Variants in SDK2 observed in about 807,000 individuals in gnomAD.
SDK2 encodes the protein sidekick cell adhesion molecule 2, also known as protein sidekick-2.
SDK2 carries 105 observed loss-of-function variants against 253.9 expected under a neutral mutation model. The ratio of observed to expected loss-of-function variants is 0.41; its 90% confidence interval spans 0.35 to 0.49. The LOEUF (loss-of-function observed/expected upper bound fraction) is 0.49. Ranked by LOEUF, SDK2 falls within the 20% of genes least tolerant of loss-of-function variation. The pLI, the probability that SDK2 is intolerant of heterozygous loss-of-function variation, is 0.06. For synonymous variants in SDK2, 1,249 were observed against 1,234.9 expected, an observed-to-expected ratio of 1.01 and a Z score of -0.24; for missense variants, 2,608 against 3,003.0, an observed-to-expected ratio of 0.87 and a Z score of 3.07.
At chr17:73,562,772 G>T (rs1354837554) in intron 1 of SDK2, among the ~76,000 whole-genome samples, 1 of 152,246 alleles carries the variant, frequency 6.6e-6, no homozygotes, top group Non-Finnish European at 1.5e-5. Context: ...TGTGCGGAAG[G>T]CGCCACGGGC....
At chr17:73,537,296 G>A (rs1178918342) in intron 1 of SDK2, among the ~76,000 whole-genome samples, 1 of 152,146 alleles carries the variant, frequency 6.6e-6, no homozygotes, top group East Asian at 1.9e-4. Flanking sequence ...GTTAACGAGG[G>A]AGATAAACGG....
chr17:73,582,608 G>T (rs2045551894), intron 1 of SDK2, among the ~76,000 whole-genome samples: 1 of 152,162 alleles, frequency 6.6e-6, no homozygotes, highest in Non-Finnish European at 1.5e-5. Flanking sequence ...GCTCCTGCTC[G>T]CTGCCTGTTC....
At chr17:73,358,302 A>G (rs1392033284) in intron 39 of SDK2, 98 bp from the exon 40 acceptor site, 2 of 1,446,724 alleles carry the variant, frequency 1.4e-6, no homozygotes, top group East Asian at 4.9e-5. Context: ...TGACAAAACC[A>G]ACCCTGGACA....
At chr17:73,602,599 A>AC (rs1555609307) in intron 1 of SDK2, among the ~76,000 whole-genome samples, 4 of 150,958 alleles carry the variant, frequency 2.6e-5, no homozygotes, top group Admixed American at 6.6e-5. Flanking sequence ...GTTGGATGAC[A>AC]TTTTTCCCAT....
At position 73,643,896 on chromosome 17, in the gene SDK2, T is replaced by G; in HGVS notation, c.64+129A>C. On this transcript the variant is annotated intron_variant, in intron 1 of 44. Coordinates refer to ENST00000392650, the MANE Select transcript of SDK2 (RefSeq NM_001144952.2). This position sits in a 1 kb window ranked among gnomAD's most constrained non-coding sequence, Gnocchi z 6.9. ...GGAGATGGGGTGTCTTGAAACTCCCTGGAGAGGGCTCTGCCACGGCTAAGC... is the reference window on the plus strand; with the variant it reads ...GGAGATGGGGTGTCTTGAAACTCCCGGGAGAGGGCTCTGCCACGGCTAAGC... The G allele has an allele frequency of 1.3e-6, 1 of 794,022 alleles. No homozygotes were observed. Among genetic ancestry groups the G allele is most frequent in the Non-Finnish European group, 2.0e-6 (1 of 488,738 alleles). The allele number at this position is 794,022 out of a possible 1,614,324, so 49.2% of individuals were successfully genotyped here. A position where few individuals can be genotyped will look rare whatever the true frequency, so the allele number is the denominator to read the frequency against.
At chr17:73,589,275 C>A (rs915161828) in intron 1 of SDK2, among the ~76,000 whole-genome samples, 7 of 152,374 alleles carry the variant, frequency 4.6e-5, no homozygotes, top group East Asian at 1.9e-4. Flanking sequence ...AACACACAAC[C>A]CTGAAGGGCA....
chr17:73,613,595 AC>A (rs1339525067), intron 1 of SDK2, among the ~76,000 whole-genome samples: 2 of 59,324 alleles, frequency 3.4e-5, no homozygotes, highest in East Asian at 6.5e-4. Flanking sequence ...CCCCACCCCC[AC>A]CCCCACCCCC....
intron 1 of SDK2, among the ~76,000 whole-genome samples, chr17:73,592,489 G>T (rs2045696928): frequency 1.3e-5 from 2 of 152,040 alleles, no homozygotes; most frequent in African/African-American, 2.4e-5. Context: ...ATGGAGGTGG[G>T]GACGACTTCT....
In SDK2 at chr17:73,455,980, C is replaced by G. The variant is rs912535553; in HGVS notation, c.405G>C (p.Pro135=). ...GTGGCTGGGGGAAGCTGGCGATGCG[C>G]GGGGCACGGATGACAGCTGCTTCTC... The part of the protein sequence containing the change: ...SHGEAAVIRA[P]RIASFPQPQV... Residue 135 remains proline, a synonymous_variant, in exon 4 of 45, where the codon CCG becomes CCC. Coordinates refer to ENST00000392650, the MANE Select transcript of SDK2 (RefSeq NM_001144952.2). The surrounding 1 kb of genome is among the most constrained non-coding windows in gnomAD (Gnocchi z 5.0). The G allele has an allele frequency of 1.9e-6, 3 of 1,548,374 alleles. No individual in the cohort carries two copies. Among genetic ancestry groups the G allele is most frequent in the Non-Finnish European group, 2.6e-6 (3 of 1,145,912 alleles).
Position 73,496,094 on chromosome 17 carries a change from C to G in SDK2, c.224+11344G>C, listed in dbSNP as rs1175494769. ...CCGGGAGGGTGGGAAGGAACCGTGG[C>G]CAGGAAGAATGAGGTGGGAGGAGCC... On this transcript the variant is annotated intron_variant, in intron 2 of 44. Coordinates refer to ENST00000392650, the MANE Select transcript of SDK2 (RefSeq NM_001144952.2). This position sits in a 1 kb window ranked among gnomAD's most constrained non-coding sequence, Gnocchi z 4.7. 6.6e-6 allele frequency among the ~76,000 whole-genome samples: 1 copy of G among 152,088 alleles called. No individual in the cohort carries two copies. Among genetic ancestry groups the G allele is most frequent in the Non-Finnish European group, 1.5e-5 (1 of 68,028 alleles).
At chr17:73,504,189 C>CGTGTGT (rs1232409933) in intron 2 of SDK2, among the ~76,000 whole-genome samples, 2 of 89,486 alleles carry the variant, frequency 2.2e-5, no homozygotes, top group Admixed American at 1.1e-4. Flanking sequence ...TGGAGCAGTG[C>CGTGTGT]GTGCGTGTGT....
rs1415442043 is a variant in SDK2 at position 73,534,732 on chromosome 17, G to C, written c.65-27135C>G. Among the ~76,000 whole-genome samples the C allele has an allele frequency of 6.6e-6, 1 of 152,132 alleles. No individual in the cohort carries two copies. The highest frequency in any genetic ancestry group is 1.9e-4 in the East Asian group (1 of 5,186). On this transcript the variant is annotated intron_variant, in intron 1 of 44. Transcript: ENST00000392650. This position sits in a 1 kb window ranked among gnomAD's most constrained non-coding sequence, Gnocchi z 4.9. ...ATCCATTTGCCTGACAGCTGAGAGT[G>C]GAGTAGGCCTAGGCCCTGACCTTTC...
chr17:73,544,161 A>C (rs1337356548), intron 1 of SDK2, among the ~76,000 whole-genome samples: 1 of 152,254 alleles, frequency 6.6e-6, no homozygotes, highest in Non-Finnish European at 1.5e-5. Context: ...GAGGCTTTCC[A>C]CATCCTTTGC....
At chr17:73,484,348 C>A (rs2063757169) in intron 2 of SDK2, among the ~76,000 whole-genome samples, 1 of 152,232 alleles carries the variant, frequency 6.6e-6, no homozygotes, top group African/African-American at 2.4e-5. Flanking sequence ...GCCCCATGGA[C>A]CCACTTCTCC....
At chr17:73,463,520 CT>C (rs1341430822) in intron 3 of SDK2, among the ~76,000 whole-genome samples, 3 of 152,194 alleles carry the variant, frequency 2.0e-5, no homozygotes, top group Non-Finnish European at 4.4e-5. Flanking sequence ...TTCCCCTACC[CT>C]GGATCTCCCC....
chr17:73,483,679 ATATT>A (rs1260413161), intron 2 of SDK2, among the ~76,000 whole-genome samples: 4,005 of 52,690 alleles, frequency 0.076, 511 homozygotes, highest in Admixed American at 0.13. Flanking sequence ...ATATATATAT[ATATT>A]TATATATATA....
chr17:73,611,141 T>C (rs926068687), intron 1 of SDK2, among the ~76,000 whole-genome samples: 1 of 152,218 alleles, frequency 6.6e-6, no homozygotes, highest in Non-Finnish European at 1.5e-5. Flanking sequence ...CCACGCAGGC[T>C]CACACAGCTC....
At chr17:73,587,146 A>G (rs943652668) in intron 1 of SDK2, among the ~76,000 whole-genome samples, 2 of 152,194 alleles carry the variant, frequency 1.3e-5, no homozygotes, top group Admixed American at 1.3e-4. Context: ...TCTGGGCCAT[A>G]GGCTTCAACT....
chr17:73,420,331 G>C (rs2063219235), intron 15 of SDK2, among the ~76,000 whole-genome samples: 1 of 152,192 alleles, frequency 6.6e-6, no homozygotes, highest in South Asian at 2.1e-4. Flanking sequence ...TAAGCATGCT[G>C]CTCGCTCCCG....
Sources: gnomAD v4.1 joint callset for allele counts (sites outside exome capture counted in the v4.1 genomes callset) on GRCh38, gnomAD v4.1.1 for gene constraint, Gnocchi (gnomAD v3.1) non-coding constraint, MANE v1.5 for transcripts, NCBI Gene and HGNC (gene_info 2026-07-23, HGNC 2026-07-21) for gene names.